The following FOCAD variants were observed in gnomAD, a reference collection of about 807,000 sequenced individuals.
FOCAD encodes focadhesin, also known as KIAA1797.
In FOCAD, 198 loss-of-function variants were observed where a neutral mutation model predicts 225.6. The observed-to-expected ratio is 0.88, with a 90% CI of 0.78 to 0.99. The LOEUF (loss-of-function observed/expected upper bound fraction) is 0.99, where lower values mean the gene tolerates loss of function less well. Ranked by LOEUF, FOCAD falls within the 50% of genes least tolerant of loss-of-function variation. The pLI, the probability that FOCAD is intolerant of heterozygous loss-of-function variation, is 0.00. For synonymous variants in FOCAD, 897 were observed against 755.0 expected (o/e 1.19, Z -3.08); for missense variants, 2,713 against 2,123.6 (o/e 1.28, Z -5.46).
At chr9:20,792,092 T>C (rs966034921) in intron 11 of FOCAD, among the ~76,000 whole-genome samples, 2 of 152,210 alleles carry the variant, frequency 1.3e-5, no homozygotes, top group Non-Finnish European at 2.9e-5. Context: ...ATCTTATAAA[T>C]ATTTGTAGAG....
intron 8 of FOCAD, among the ~76,000 whole-genome samples, chr9:20,776,245 G>C (rs980559663): frequency 6.6e-6 from 1 of 152,202 alleles, no homozygotes; most frequent in Non-Finnish European, 1.5e-5. Flanking sequence ...GGCCTATGGG[G>C]CTTTAACTTC....
rs565650688 is a variant in FOCAD, at chr9:20,751,219, T to A, written c.393-6871T>A. Among the ~76,000 whole-genome samples the A allele has an allele frequency of 2.4e-4, 36 of 151,116 alleles. 1 individual carries two copies. The highest frequency in any genetic ancestry group is 2.8e-4 in the Non-Finnish European group (19 of 67,834). ...TACATATGCACAATGTGCAGGTTAG[T>A]TACATATGTATACCTGTGCCATGCT... On this transcript the variant is annotated intron_variant, in intron 5 of 43. Coordinates refer to ENST00000338382, the MANE Select transcript of FOCAD (RefSeq NM_001375567.1).
At chr9:20,882,141 G>A in intron 20 of FOCAD, 85 bp downstream of exon 20, 1 of 1,209,498 alleles carries the variant, frequency 8.3e-7, no homozygotes, top group Non-Finnish European at 1.2e-6. Flanking sequence ...AATGGGCCAT[G>A]GCAGGGTGTT....
intron 18 of FOCAD, chr9:20,873,726 G>C (rs970422906): frequency 6.6e-6 from 1 of 152,054 alleles, no homozygotes; most frequent in Non-Finnish European, 1.5e-5. Context: ...CTACCCCCCT[G>C]CAAGAATCCT....
chr9:20,967,508 C>G (rs962481468), intron 35 of FOCAD, among the ~76,000 whole-genome samples: 1 of 151,866 alleles, frequency 6.6e-6, no homozygotes, highest in African/African-American at 2.4e-5. Context: ...TTTTCTTTTT[C>G]TTGTCTAATT....
intron 1 of FOCAD, among the ~76,000 whole-genome samples, chr9:20,702,945 T>C (rs1427120307): frequency 1.3e-5 from 2 of 152,022 alleles, no homozygotes; most frequent in Non-Finnish European, 2.9e-5. Context: ...GGGGAGATAG[T>C]GGTAAGAGCT....
chr9:20,953,092 A>T (rs755864830), intron 35 of FOCAD, 27 bp downstream of exon 35: 1 of 1,546,130 alleles, frequency 6.5e-7, no homozygotes, highest in Non-Finnish European at 8.9e-7. Context: ...CTTGAATTTT[A>T]TCATTCTATC....
chr9:20,752,205 C>T (rs892117033), intron 5 of FOCAD, among the ~76,000 whole-genome samples: 1 of 151,508 alleles, frequency 6.6e-6, no homozygotes, highest in African/African-American at 2.4e-5. Context: ...GCCATTGCTT[C>T]CAGTGTTTTA....
At chr9:20,916,983 T>G in intron 24 of FOCAD, 46 bp downstream of exon 24, 1 of 1,485,356 alleles carries the variant, frequency 6.7e-7, no homozygotes, top group Non-Finnish European at 9.2e-7. Flanking sequence ...ATAAATACCT[T>G]TTCCTGGCAG....
At chr9:20,697,658 C>A (rs888869124) in intron 1 of FOCAD, among the ~76,000 whole-genome samples, 3 of 152,230 alleles carry the variant, frequency 2.0e-5, no homozygotes, top group African/African-American at 7.2e-5. Context: ...CGTTTAAAGA[C>A]CTCTCTAAAA....
chr9:20,964,674 A>G (rs10811439), intron 35 of FOCAD, among the ~76,000 whole-genome samples: 1 of 151,832 alleles, frequency 6.6e-6, no homozygotes, highest in Admixed American at 6.6e-5. Flanking sequence ...TAGCTGGGAC[A>G]ACAGGCGCAT....
At chr9:20,671,172 G>A (rs1303896815) in intron 2 of FOCAD, among the ~76,000 whole-genome samples, 1 of 151,716 alleles carries the variant, frequency 6.6e-6, no homozygotes, top group Non-Finnish European at 1.5e-5. Flanking sequence ...TTATAAATAT[G>A]TCAGGCCAAT....
intron 5 of FOCAD, among the ~76,000 whole-genome samples, chr9:20,746,506 A>G (rs1380772337): frequency 6.6e-6 from 1 of 152,186 alleles, no homozygotes; most frequent in Admixed American, 6.5e-5. Context: ...GTTCGAGAAA[A>G]GTTACAAGAA....
chr9:20,748,490 C>A (rs990856169), intron 5 of FOCAD, among the ~76,000 whole-genome samples: 1 of 151,782 alleles, frequency 6.6e-6, no homozygotes, highest in African/African-American at 2.4e-5. Context: ...TGTACACATG[C>A]ATATATACTA....
chr9:20,769,997 A>G (rs774242242), intron 7 of FOCAD, 35 bp from the exon 8 acceptor site: 5 of 1,560,986 alleles, frequency 3.2e-6, no homozygotes, highest in Non-Finnish European at 4.4e-6. Context: ...TGGTTTGTGT[A>G]TTTTTTAATA....
chr9:20,710,744 T>A (rs939444965), intron 1 of FOCAD, among the ~76,000 whole-genome samples: 4 of 152,234 alleles, frequency 2.6e-5, no homozygotes, highest in Non-Finnish European at 4.4e-5. Flanking sequence ...TTTTCTTTGA[T>A]AAAGGATATT....
At chr9:20,723,777 G>A (rs1825981642) in intron 4 of FOCAD, among the ~76,000 whole-genome samples, 1 of 152,110 alleles carries the variant, frequency 6.6e-6, no homozygotes, top group South Asian at 2.1e-4. Context: ...CTTGTATTAG[G>A]CTGTTCTTGC....
At chr9:20,873,349 A>G (rs1829960433) in intron 18 of FOCAD, among the ~76,000 whole-genome samples, 1 of 152,166 alleles carries the variant, frequency 6.6e-6, no homozygotes, top group Non-Finnish European at 1.5e-5. Flanking sequence ...GACAACTCTC[A>G]AGGAGAGTAA....
chr9:20,923,803 T>A (rs1834689090), intron 25 of FOCAD, 35 bp downstream of exon 25: 2 of 1,522,568 alleles, frequency 1.3e-6, no homozygotes, highest in Non-Finnish European at 1.8e-6. Flanking sequence ...TGGCTTTGAT[T>A]ATGTCTTTTT....
Sources: gnomAD v4.1 joint callset for allele counts (sites outside exome capture counted in the v4.1 genomes callset) on GRCh38, gnomAD v4.1.1 for gene constraint, MANE v1.5 for transcripts, NCBI Gene and HGNC (gene_info 2026-07-23, HGNC 2026-07-21) for gene names.